ACKR2: variants seen among roughly 807,000 people sequenced by gnomAD.
ACKR2 encodes the protein C-C chemokine receptor D6.
For missense variants in ACKR2, 457 were observed against 477.3 expected (o/e 0.96, Z 0.40); for synonymous variants, 207 against 192.2 (o/e 1.08, Z -0.64).
chr3:42,860,145 T>C (rs1421558901), intron 2 of ACKR2, among the ~76,000 whole-genome samples: 8 of 35,932 alleles, frequency 2.2e-4, no homozygotes, highest in African/African-American at 7.4e-4. Context: ...GGAGGAATAT[T>C]TATCAAGCAA....
intron 2 of ACKR2, among the ~76,000 whole-genome samples, chr3:42,843,282 G>C (rs906193517): frequency 6.6e-6 from 1 of 151,756 alleles, no homozygotes; most frequent in African/African-American, 2.4e-5. Flanking sequence ...TGTTGGCCAA[G>C]CTGGTCTCGA....
intron 2 of ACKR2, among the ~76,000 whole-genome samples, chr3:42,831,958 A>G (rs761718242): frequency 9.9e-5 from 15 of 152,234 alleles, no homozygotes; most frequent in Admixed American, 2.0e-4. Context: ...AAATTTAAAG[A>G]GGCAGAACCA....
chr3:42,812,030 A>T lies in ACKR2; in HGVS notation c.-119+2498A>T, dbSNP rs28544555. ...ATCAATAAATGCTGAAGGAACTCAG[A>T]GACCGGGGCCTGTGCAGGTCCTCCA... On this transcript the variant is annotated intron_variant, in intron 1 of 2. Coordinates refer to ENST00000422265, the MANE Select transcript of ACKR2 (RefSeq NM_001296.5). Among the ~76,000 whole-genome samples, 1,008 of 152,340 alleles carry T rather than the reference A, an allele frequency of 6.6e-3. 28 individuals carry two copies. The East Asian group carries it at 0.075, about 11-fold the overall frequency.
intron 2 of ACKR2, among the ~76,000 whole-genome samples, chr3:42,832,432 T>C (rs1448856712): frequency 6.6e-6 from 1 of 151,540 alleles, no homozygotes; most frequent in East Asian, 1.9e-4. Context: ...GAGGTTGCAG[T>C]GAGCTGAGAT....
chr3:42,847,262 G>A (rs941507050), intron 2 of ACKR2, among the ~76,000 whole-genome samples: 1 of 152,238 alleles, frequency 6.6e-6, no homozygotes, highest in Non-Finnish European at 1.5e-5. Flanking sequence ...CTTAGCTGAA[G>A]GGTGCCTTGG....
At chr3:42,820,219 T>C (rs1700795316) in intron 2 of ACKR2, among the ~76,000 whole-genome samples, 2 of 152,026 alleles carry the variant, frequency 1.3e-5, no homozygotes, top group Non-Finnish European at 1.5e-5. Context: ...GGAAGAAAAA[T>C]GGGTTATGCA....
intron 2 of ACKR2, among the ~76,000 whole-genome samples, chr3:42,831,436 G>A (rs1700931828): frequency 6.6e-6 from 1 of 152,220 alleles, no homozygotes; most frequent in Admixed American, 6.5e-5. Context: ...AACTTTATCA[G>A]CAGGGGGCGC....
chr3:42,841,054 TG>T (rs1401422248), intron 2 of ACKR2, among the ~76,000 whole-genome samples: 1 of 152,156 alleles, frequency 6.6e-6, no homozygotes, highest in Non-Finnish European at 1.5e-5. Context: ...GTGAAGCCTA[TG>T]GGGCCCCTCT....
chr3:42,856,774 C>T (rs146479368), intron 2 of ACKR2, among the ~76,000 whole-genome samples: 32 of 151,772 alleles, frequency 2.1e-4, no homozygotes, highest in African/African-American at 6.5e-4. Context: ...TGGCTCTTCA[C>T]GATTGCCTGC....
chr3:42,866,913 A>C lies in ACKR2; in HGVS notation c.*1256A>C, dbSNP rs2088440543. The C allele has an allele frequency of 6.0e-6, 1 of 165,722 alleles. No homozygotes were observed. The highest frequency in any genetic ancestry group is 2.4e-5 in the African/African-American group (1 of 41,312). 10.3% of individuals were successfully genotyped at this position (165,722 alleles called of 1,614,324 possible). A position where few individuals can be genotyped will look rare whatever the true frequency, so the allele number is the denominator to read the frequency against. ...TTTTGAGACAGGATCTCACTCTGTC[A>C]TCCAGGCTGAAGTCCAATCCCACAA... On this transcript the variant is annotated 3_prime_UTR_variant, in exon 3 of 3. Coordinates refer to ENST00000422265, the MANE Select transcript of ACKR2 (RefSeq NM_001296.5).
chr3:42,819,966 C>T (rs1400158238), intron 2 of ACKR2, among the ~76,000 whole-genome samples: 1 of 152,138 alleles, frequency 6.6e-6, no homozygotes, highest in East Asian at 1.9e-4. Flanking sequence ...AATGAGGTAC[C>T]TCTTCTGGGA....
chr3:42,838,520 G>A (rs1701005721), intron 2 of ACKR2, among the ~76,000 whole-genome samples: 1 of 148,120 alleles, frequency 6.8e-6, no homozygotes, highest in South Asian at 2.1e-4. Flanking sequence ...TCATTATAAT[G>A]GCTAAAAGTA....
At position 42,865,656 on chromosome 3, in the gene ACKR2, G is replaced by C. The variant is rs770146496; in HGVS notation, c.1154G>C (p.Ter385SerextTer29). ...NKEDVGNKSA* is the reference protein window; with the variant it reads ...NKEDVGNKSAS ...GAGGATGTGGGGAATAAATCAGCCT[G>C]AGTGACCAAATTTTGGTCTGGTGGG... Residue 385 changes from the stop codon to serine (S), a stop_lost, in exon 3 of 3, where the codon TGA (stop) becomes TCA (serine). Coordinates refer to ENST00000422265, the MANE Select transcript of ACKR2 (RefSeq NM_001296.5). 1 of 1,600,820 alleles carries C rather than the reference G, an allele frequency of 6.2e-7. No individual in the cohort carries two copies. Among genetic ancestry groups the C allele is most frequent in the African/African-American group, 1.3e-5 (1 of 74,746 alleles).
chr3:42,828,777 C>T (rs1042371400), intron 2 of ACKR2, among the ~76,000 whole-genome samples: 5 of 152,182 alleles, frequency 3.3e-5, no homozygotes, highest in African/African-American at 1.2e-4. Flanking sequence ...GTTATCAAGA[C>T]AGACTGCAAA....
At chr3:42,837,060 G>A (rs189677504) in intron 2 of ACKR2, among the ~76,000 whole-genome samples, 1 of 152,240 alleles carries the variant, frequency 6.6e-6, no homozygotes, top group South Asian at 2.1e-4. Context: ...GGGACATAAT[G>A]TGCAAGACCC....
chr3:42,836,810 C>T (rs1391011677), intron 2 of ACKR2, among the ~76,000 whole-genome samples: 3 of 152,166 alleles, frequency 2.0e-5, no homozygotes, highest in African/African-American at 7.2e-5. Context: ...AGATAAATAA[C>T]CTCAGGACTA....
intron 2 of ACKR2, among the ~76,000 whole-genome samples, chr3:42,839,462 T>C (rs1701015993): frequency 6.6e-6 from 1 of 152,092 alleles, no homozygotes. Flanking sequence ...AAATACATTT[T>C]TTGCATATTT....
At chr3:42,863,337 G>C (rs2088402902) in intron 2 of ACKR2, among the ~76,000 whole-genome samples, 1 of 152,184 alleles carries the variant, frequency 6.6e-6, no homozygotes. Flanking sequence ...TTAGAATGAT[G>C]ATCATTAAAA....
At chr3:42,813,723 A>G (rs1700718826) in intron 1 of ACKR2, among the ~76,000 whole-genome samples, 1 of 152,236 alleles carries the variant, frequency 6.6e-6, no homozygotes, top group Non-Finnish European at 1.5e-5. Context: ...GTAACTTGGT[A>G]CAATGTGCCT....
Sources: allele counts gnomAD v4.1 joint callset (sites outside exome capture counted in the v4.1 genomes callset), GRCh38; gene constraint gnomAD v4.1.1; transcripts MANE v1.5; gene names NCBI Gene and HGNC (gene_info 2026-07-23, HGNC 2026-07-21).